ZPBP: variants seen among roughly 807,000 people sequenced by gnomAD.
ZPBP encodes zona pellucida binding protein, also known as zona pellucida-binding protein 1.
ZPBP carries 26 observed loss-of-function variants against 44.8 expected under a neutral mutation model. The ratio of observed to expected loss-of-function variants is 0.58; its 90% confidence interval spans 0.43 to 0.81. The LOEUF is 0.81. Among genes scored for constraint, ZPBP ranks in the 30% least tolerant of loss-of-function variants. The pLI, the probability that ZPBP is intolerant of heterozygous loss-of-function variation, is 0.00. For missense variants in ZPBP, 409 were observed against 434.0 expected (o/e 0.94, Z 0.51); for synonymous variants, 174 against 153.2 (o/e 1.14, Z -1.00).
intron 6 of ZPBP, among the ~76,000 whole-genome samples, chr7:50,005,080 G>A (rs1562839078): frequency 6.7e-6 from 1 of 149,398 alleles, no homozygotes; most frequent in Non-Finnish European, 1.5e-5. Flanking sequence ...ATCATTGACT[G>A]ATTTCTTAGT....
intron 4 of ZPBP, among the ~76,000 whole-genome samples, chr7:50,037,067 G>T (rs1799860507): frequency 6.6e-6 from 1 of 151,830 alleles, no homozygotes; most frequent in African/African-American, 2.4e-5. Context: ...TTGGAGAGTT[G>T]GATTAAAACT....
At chr7:49,893,910 A>G (rs571401887) in intron 2 of ZPBP, among the ~76,000 whole-genome samples, 1 of 152,324 alleles carries the variant, frequency 6.6e-6, no homozygotes, top group Admixed American at 6.5e-5. Flanking sequence ...AAAATTACCA[A>G]TAGTCTAGTG....
intron 2 of ZPBP, among the ~76,000 whole-genome samples, chr7:49,857,400 A>C (rs1488684255): frequency 6.6e-6 from 1 of 152,234 alleles, no homozygotes; most frequent in Non-Finnish European, 1.5e-5. Context: ...CAATGTAGGC[A>C]TATAGCACAT....
chr7:50,070,474 C>A (rs908513771), intron 3 of ZPBP, among the ~76,000 whole-genome samples: 1 of 152,204 alleles, frequency 6.6e-6, no homozygotes, highest in Non-Finnish European at 1.5e-5. Context: ...CCGGGTGAAG[C>A]TCTCCCGTGG....
At chr7:50,063,408 C>A (rs1201280852) in intron 3 of ZPBP, among the ~76,000 whole-genome samples, 1 of 152,204 alleles carries the variant, frequency 6.6e-6, no homozygotes, top group Non-Finnish European at 1.5e-5. Flanking sequence ...TGAGCTTTTT[C>A]TTCTACTGGC....
chr7:49,855,031 G>C (rs929280035), intron 2 of ZPBP, among the ~76,000 whole-genome samples: 12 of 152,206 alleles, frequency 7.9e-5, no homozygotes, highest in Non-Finnish European at 1.8e-4. Context: ...GCCTCTTTGA[G>C]AGGGATGAGG....
intron 1 of ZPBP, among the ~76,000 whole-genome samples, chr7:49,922,615 T>G (rs1422904095): frequency 6.6e-6 from 1 of 152,342 alleles, no homozygotes; most frequent in Admixed American, 6.5e-5. Flanking sequence ...CATTTTTCCC[T>G]GAGTACATTT....
intron 1 of ZPBP, among the ~76,000 whole-genome samples, chr7:49,927,718 C>T (rs940417832): frequency 1.3e-5 from 2 of 152,180 alleles, no homozygotes; most frequent in African/African-American, 4.8e-5. Context: ...GCCCATTCCA[C>T]CATTCTATTA....
At chr7:49,866,674 T>C (rs1790906314) in intron 2 of ZPBP, among the ~76,000 whole-genome samples, 1 of 152,228 alleles carries the variant, frequency 6.6e-6, no homozygotes, top group Admixed American at 6.5e-5. Flanking sequence ...GTGCCTCATT[T>C]GCAGGATTGT....
chr7:50,085,113 T>C (rs990623874), intron 2 of ZPBP, among the ~76,000 whole-genome samples: 1 of 151,896 alleles, frequency 6.6e-6, no homozygotes, highest in Non-Finnish European at 1.5e-5. Flanking sequence ...TGAGTACAAA[T>C]CCAATATGAC....
intron 7 of ZPBP, among the ~76,000 whole-genome samples, chr7:49,938,624 C>A (rs771207725): frequency 9.2e-5 from 14 of 152,202 alleles, no homozygotes; most frequent in Non-Finnish European, 1.6e-4. Flanking sequence ...CTGCCTCTAC[C>A]AACCTGTTCT....
intron 6 of ZPBP, among the ~76,000 whole-genome samples, chr7:50,000,012 G>T (rs1798025216): frequency 6.6e-6 from 1 of 151,948 alleles, no homozygotes; most frequent in Non-Finnish European, 1.5e-5. Flanking sequence ...TTAATAGGGA[G>T]GGTAGATAGA....
At chr7:49,909,717 T>A (rs1793301578) in intron 1 of ZPBP, among the ~76,000 whole-genome samples, 1 of 151,406 alleles carries the variant, frequency 6.6e-6, no homozygotes, top group Non-Finnish European at 1.5e-5. Context: ...AATTTGGGAG[T>A]CATTGCCAGA....
At chr7:49,882,548 C>CAG in intron 2 of ZPBP, among the ~76,000 whole-genome samples, 1 of 151,742 alleles carries the variant, frequency 6.6e-6, no homozygotes, top group East Asian at 1.9e-4. Context: ...GAGAGAGAGA[C>CAG]AGAGAGAGAC....
intron 6 of ZPBP, among the ~76,000 whole-genome samples, chr7:49,996,849 G>A (rs565707111): frequency 1.3e-5 from 2 of 152,276 alleles, no homozygotes; most frequent in East Asian, 3.9e-4. Flanking sequence ...TATGCTGATG[G>A]CTGCCTTGAC....
downstream of ZPBP, among the ~76,000 whole-genome samples, chr7:49,848,314 A>G (rs1355811239): frequency 2.0e-5 from 3 of 152,178 alleles, no homozygotes; most frequent in Non-Finnish European, 2.9e-5. Flanking sequence ...GGGTCTTTCC[A>G]GGATCTTCTC....
intron 6 of ZPBP, among the ~76,000 whole-genome samples, chr7:49,998,063 G>A (rs977564780): frequency 1.4e-4 from 21 of 151,964 alleles, no homozygotes; most frequent in Non-Finnish European, 2.1e-4. Flanking sequence ...GACTACAGGC[G>A]CACGCCACCA....
At chr7:50,079,391 T>C (rs994276211) in intron 3 of ZPBP, among the ~76,000 whole-genome samples, 1 of 151,636 alleles carries the variant, frequency 6.6e-6, no homozygotes, top group Non-Finnish European at 1.5e-5. Flanking sequence ...CACATAGTAA[T>C]CTTATGTATT....
At chr7:49,872,994 A>C (rs1260673292) in intron 2 of ZPBP, among the ~76,000 whole-genome samples, 1 of 151,558 alleles carries the variant, frequency 6.6e-6, no homozygotes, top group African/African-American at 2.4e-5. Flanking sequence ...ATAATTAATA[A>C]AAAAATCTGA....
Sources: allele counts gnomAD v4.1 joint callset (sites outside exome capture counted in the v4.1 genomes callset), GRCh38; gene constraint gnomAD v4.1.1; transcripts MANE v1.5; gene names NCBI Gene and HGNC (gene_info 2026-07-23, HGNC 2026-07-21).